Variants in ADGRB3 observed in about 807,000 individuals in gnomAD.
ADGRB3 encodes the protein adhesion G protein-coupled receptor B3.
In ADGRB3, 37 loss-of-function variants were observed where a neutral mutation model predicts 193.4. The ratio of observed to expected loss-of-function variants is 0.19; its 90% CI spans 0.15 to 0.25. ADGRB3 has a LOEUF of 0.25. ADGRB3 is among the 10% of genes least tolerant of loss of function. The probability of loss-of-function intolerance (pLI) is 1.00; values close to 1 mark genes in which losing one functional copy is unlikely to be tolerated. For synonymous variants in ADGRB3, 690 were observed against 644.2 expected, an observed-to-expected ratio of 1.07 and a Z score of -1.08; for missense variants, 1,637 against 1,852.9, an observed-to-expected ratio of 0.88 and a Z score of 2.14.
rs1008634669 is a variant in ADGRB3 at position 69,370,788 on chromosome 6, A to G, written c.4240-1618A>G. ...TTGAATTTTGCTGTATTAAGAAAGA[A>G]TCTTGCTTAATGTATACTGACAAAA... On this transcript the variant is annotated intron_variant, in intron 29 of 31. Coordinates refer to ENST00000370598, the MANE Select transcript of ADGRB3 (RefSeq NM_001704.3). 6.6e-5 allele frequency among the ~76,000 whole-genome samples: 10 copies of G among 152,216 alleles called. No homozygotes were observed. In the South Asian group the frequency reaches 1.0e-3, roughly 16 times the overall value.
At chr6:68,817,331 ATATATATAT>A (rs1767655270) in intron 3 of ADGRB3, among the ~76,000 whole-genome samples, 1 of 101,822 alleles carries the variant, frequency 9.8e-6, no homozygotes, top group Non-Finnish European at 1.8e-5. Flanking sequence ...ATATATATAT[ATATATATAT>A]ATATATATAT....
At chr6:68,965,696 A>G (rs189172624) in intron 8 of ADGRB3, among the ~76,000 whole-genome samples, 170 of 152,250 alleles carry the variant, frequency 1.1e-3, no homozygotes, top group African/African-American at 4.0e-3. Context: ...GTATAGTTGT[A>G]TCTTACAAAT....
chr6:69,155,056 G>C (rs1462130647), intron 17 of ADGRB3, among the ~76,000 whole-genome samples: 1 of 152,176 alleles, frequency 6.6e-6, no homozygotes, highest in Non-Finnish European at 1.5e-5. Context: ...AAGTAGCAAT[G>C]AAAGTCTTAA....
At chr6:68,923,185 T>C (rs973049989) in intron 3 of ADGRB3, among the ~76,000 whole-genome samples, 1 of 152,110 alleles carries the variant, frequency 6.6e-6, no homozygotes, top group African/African-American at 2.4e-5. Context: ...AACTAAAATA[T>C]AGTGGTAGAT....
intron 3 of ADGRB3, among the ~76,000 whole-genome samples, chr6:68,866,643 G>C (rs1765304269): frequency 6.6e-6 from 1 of 152,192 alleles, no homozygotes; most frequent in Non-Finnish European, 1.5e-5. Context: ...GAATTTCCTA[G>C]AGACTTGTTG....
At chr6:68,653,574 T>C (rs1768422020) in intron 3 of ADGRB3, among the ~76,000 whole-genome samples, 2 of 152,074 alleles carry the variant, frequency 1.3e-5, no homozygotes, top group South Asian at 4.1e-4. Context: ...AAAATGATCT[T>C]GTTTTAGCCT....
chr6:69,004,716 A>G (rs79120173), intron 11 of ADGRB3, among the ~76,000 whole-genome samples: 2 of 151,866 alleles, frequency 1.3e-5, no homozygotes, highest in East Asian at 3.9e-4. Context: ...ACTCTTTCTA[A>G]CTTAATTTCC....
chr6:69,207,897 T>C (rs564474177), intron 17 of ADGRB3, among the ~76,000 whole-genome samples: 3 of 152,312 alleles, frequency 2.0e-5, no homozygotes, highest in African/African-American at 7.2e-5. Context: ...AAGCACTGCA[T>C]GGAGAATAGG....
chr6:68,970,649 C>T (rs944542074), intron 8 of ADGRB3, among the ~76,000 whole-genome samples: 1 of 151,978 alleles, frequency 6.6e-6, no homozygotes, highest in African/African-American at 2.4e-5. Context: ...TAAAGCAGGG[C>T]CTAGCACCAT....
intron 17 of ADGRB3, among the ~76,000 whole-genome samples, chr6:69,219,474 TATATATATATATATATATAC>T (rs1765845068): frequency 1.3e-5 from 1 of 77,686 alleles, no homozygotes; most frequent in Non-Finnish European, 2.4e-5. Flanking sequence ...TATATATATA[TATATATATATATATATATAC>T]GTGTGTGTGT....
At chr6:68,844,275 A>G (rs1017996642) in intron 3 of ADGRB3, among the ~76,000 whole-genome samples, 2 of 152,158 alleles carry the variant, frequency 1.3e-5, no homozygotes, top group African/African-American at 2.4e-5. Flanking sequence ...CAAACTAACC[A>G]TCTCACAAAT....
intron 6 of ADGRB3, among the ~76,000 whole-genome samples, chr6:68,946,602 C>T (rs888413386): frequency 1.3e-5 from 2 of 152,126 alleles, no homozygotes; most frequent in African/African-American, 4.8e-5. Flanking sequence ...ATAGGTACAT[C>T]AGCAGTGAAG....
chr6:69,143,843 C>A (rs569743658), intron 17 of ADGRB3, among the ~76,000 whole-genome samples: 2 of 152,208 alleles, frequency 1.3e-5, no homozygotes, highest in African/African-American at 4.8e-5. Context: ...TCTTTCTGCT[C>A]AGGACAGCTT....
chr6:68,664,613 G>A (rs1027155984), intron 3 of ADGRB3, among the ~76,000 whole-genome samples: 5 of 151,782 alleles, frequency 3.3e-5, no homozygotes, highest in African/African-American at 1.2e-4. Context: ...CAGCCACCAA[G>A]GCTATTGTGC....
At chr6:68,826,374 G>C (rs990846978) in intron 3 of ADGRB3, among the ~76,000 whole-genome samples, 1 of 152,122 alleles carries the variant, frequency 6.6e-6, no homozygotes, top group Non-Finnish European at 1.5e-5. Flanking sequence ...GCTGGGAACA[G>C]TAAAAACAAA....
chr6:69,372,399 C>G lies in ADGRB3; in HGVS notation c.4240-7C>G, dbSNP rs370400047. 4.4e-6 allele frequency: 6 copies of G among 1,355,814 alleles called. No individual in the cohort carries two copies. The African/African-American group carries it at 8.9e-5, about 20-fold the overall frequency. 84.0% of individuals were successfully genotyped at this position (1,355,814 alleles called of 1,614,324 possible). ...TTTCTCCTTCTTTTTAAAAATATAT[C>G]TTACAGAGAAGAAAATCACGATATT... On this transcript the variant is annotated splice_region_variant and splice_polypyrimidine_tract_variant and intron_variant, in intron 29 of 31. Coordinates refer to ENST00000370598, the MANE Select transcript of ADGRB3 (RefSeq NM_001704.3).
At chr6:69,282,927 A>G (rs1479393500) in intron 20 of ADGRB3, among the ~76,000 whole-genome samples, 1 of 152,198 alleles carries the variant, frequency 6.6e-6, no homozygotes, top group Non-Finnish European at 1.5e-5. Context: ...ATGAGAGTAG[A>G]AGTAGGAGTG....
chr6:68,692,126 A>G (rs1352182900), intron 3 of ADGRB3, among the ~76,000 whole-genome samples: 2 of 151,840 alleles, frequency 1.3e-5, no homozygotes, highest in Admixed American at 1.3e-4. Context: ...TAAATGGAGG[A>G]TTTTAATAAT....
intron 13 of ADGRB3, among the ~76,000 whole-genome samples, chr6:69,042,892 C>A (rs1051482993): frequency 2.0e-5 from 3 of 152,082 alleles, no homozygotes; most frequent in Non-Finnish European, 2.9e-5. Context: ...TTTAAGACAG[C>A]CTTTAAAGTT....
Sources: allele counts gnomAD v4.1 joint callset (sites outside exome capture counted in the v4.1 genomes callset), GRCh38; gene constraint gnomAD v4.1.1; transcripts MANE v1.5; gene names NCBI Gene and HGNC (gene_info 2026-07-23, HGNC 2026-07-21).